Variants in KANSL3 observed in about 807,000 individuals in gnomAD.
The protein encoded by KANSL3 is KAT8 regulatory NSL complex subunit 3.
In KANSL3, 16 loss-of-function variants were observed where a neutral mutation model predicts 89.2. The observed-to-expected ratio is 0.18, with a 90% CI of 0.12 to 0.27. The LOEUF (loss-of-function observed/expected upper bound fraction) is 0.27, where lower values mean the gene tolerates loss of function less well. Among genes scored for constraint, KANSL3 ranks in the 10% least tolerant of loss-of-function variants. The pLI is 1.00. For synonymous variants in KANSL3, 385 were observed against 419.7 expected, an observed-to-expected ratio of 0.92 and a Z score of 1.01; for missense variants, 879 against 1,110.6, an observed-to-expected ratio of 0.79 and a Z score of 2.96.
intron 5 of KANSL3, among the ~76,000 whole-genome samples, chr2:96,618,101 C>G (rs1176721126): frequency 6.6e-6 from 1 of 151,044 alleles, no homozygotes; most frequent in African/African-American, 2.4e-5. Flanking sequence ...GAAGTTATAG[C>G]AAGCAATGAT....
At chr2:96,611,458 A>T (rs190885183) in intron 9 of KANSL3, among the ~76,000 whole-genome samples, 1 of 152,316 alleles carries the variant, frequency 6.6e-6, no homozygotes, top group Admixed American at 6.5e-5. Context: ...TTTTCTCCAC[A>T]AATAGTAAAT....
Position 96,602,311 on chromosome 2 carries a change from T to C in KANSL3, c.2287A>G (p.Met763Val), listed in dbSNP as rs1363789688. 2 of 1,611,056 alleles carry C rather than the reference T, an allele frequency of 1.2e-6. No individual in the cohort carries two copies. Among genetic ancestry groups the C allele is most frequent in the Non-Finnish European group, 1.7e-6 (2 of 1,178,912 alleles). ...GTGGTGATGGCACCCAGGCTCTGCA[T>C]GGGGGTGGGCAACTTCACACTGGTG... is the stretch of plus-strand genomic sequence containing the variant. Reference protein sequence around the residue: ...QATSVKLPTPMQSLGAITTGT... With the variant: ...QATSVKLPTPVQSLGAITTGT... Residue 763 changes from methionine (M) to valine (V), a missense_variant, in exon 19 of 21, where the codon ATG becomes GTG. Physicochemically the swap from Met to Val is conservative, Grantham distance 21 (BLOSUM62 1). Around this residue, in one of 6 missense-constraint regions of KANSL3, gnomAD observed 89 missense variants for 139.7 expected, o/e 0.64. Transcript: ENST00000431828.
At chr2:96,593,101 C>T (rs2066326973), downstream of KANSL3, 2 of 368,900 alleles carry the variant, frequency 5.4e-6, no homozygotes, top group South Asian at 4.1e-5. Context: ...ACCTTTGGTG[C>T]CCACTTCATT....
At chr2:96,600,145 GA>G (rs1329408199) in intron 20 of KANSL3, among the ~76,000 whole-genome samples, 1 of 152,076 alleles carries the variant, frequency 6.6e-6, no homozygotes, top group Non-Finnish European at 1.5e-5. Flanking sequence ...CACAGACAGG[GA>G]AACGTGTCAC....
rs2073187491 is a variant in KANSL3 at position 96,630,503 on chromosome 2, T to C, written c.386+809A>G. Among the ~76,000 whole-genome samples, 2 of 152,208 alleles carry C rather than the reference T, an allele frequency of 1.3e-5. 1 individual carries two copies. The highest frequency in any genetic ancestry group is 4.1e-4 in the South Asian group (2 of 4,836). ...ATAAAGACAAAAGTCAATTAGTGCT[T>C]CCTAGGGACCAGAGAAGCTGGGAGG... On this transcript the variant is annotated intron_variant, in intron 3 of 20. Transcript: ENST00000431828.
chr2:96,601,418 A>G, intron 20 of KANSL3: 1 of 985,402 alleles, frequency 1.0e-6, no homozygotes, highest in Non-Finnish European at 1.2e-6. Context: ...CCACTTGAAC[A>G]TATGTACTCT....
At position 96,612,262 on chromosome 2, in the gene KANSL3, A is replaced by G. The variant is rs1286674552; in HGVS notation, c.1086+20T>C. 2 of 1,576,362 alleles carry G rather than the reference A, an allele frequency of 1.3e-6. No individual in the cohort carries two copies. The highest frequency in any genetic ancestry group is 1.7e-6 in the Non-Finnish European group (2 of 1,145,786). On this transcript the variant is annotated intron_variant, in intron 9 of 20. Coordinates refer to ENST00000431828, the MANE Select transcript of KANSL3 (RefSeq NM_001115016.3). ...TATTCCATCCCAGGACAACCTCCAA[A>G]TAAGATAGAAATTACTTACATGACA...
the KANSL3 span, among the ~76,000 whole-genome samples, chr2:96,583,910 G>A: frequency 6.6e-6 from 1 of 152,300 alleles, no homozygotes; most frequent in Admixed American, 6.5e-5. Context: ...AGCCATTCTA[G>A]TGAGTGTAAA....
At chr2:96,611,249 C>T in intron 9 of KANSL3, 111 bp from the exon 10 acceptor site, 1 of 821,416 alleles carries the variant, frequency 1.2e-6, no homozygotes, top group South Asian at 1.5e-5. Context: ...CTCTTCCTCT[C>T]CTGTCCTAAT....
At chr2:96,616,058 T>C (rs751251888) in intron 5 of KANSL3, among the ~76,000 whole-genome samples, 7 of 152,042 alleles carry the variant, frequency 4.6e-5, no homozygotes, top group Non-Finnish European at 1.0e-4. Context: ...AGCCTTCCCA[T>C]CAGAGACACC....
At chr2:96,636,240 A>G (rs1481405853) in intron 2 of KANSL3, among the ~76,000 whole-genome samples, 5 of 152,254 alleles carry the variant, frequency 3.3e-5, no homozygotes, top group African/African-American at 1.2e-4. Flanking sequence ...GAATATATCA[A>G]CACATCATGA....
At chr2:96,583,390 A>C in the KANSL3 span, among the ~76,000 whole-genome samples, 1 of 152,228 alleles carries the variant, frequency 6.6e-6, no homozygotes, top group African/African-American at 2.4e-5. Flanking sequence ...AAGATATAGA[A>C]CATTTCCCCC....
At chr2:96,587,624 T>C in the KANSL3 span, among the ~76,000 whole-genome samples, 3 of 152,050 alleles carry the variant, frequency 2.0e-5, no homozygotes, top group African/African-American at 7.2e-5. Flanking sequence ...CCAAAACCAC[T>C]CAAAGAATAT....
chr2:96,590,178 T>C (rs542812263), downstream of KANSL3, among the ~76,000 whole-genome samples: 15 of 138,722 alleles, frequency 1.1e-4, no homozygotes, highest in South Asian at 5.8e-3. Flanking sequence ...TAAAAATAAA[T>C]AAATAATAAA....
intron 14 of KANSL3, chr2:96,606,415 G>A: frequency 6.6e-6 from 1 of 152,670 alleles, no homozygotes; most frequent in East Asian, 1.9e-4. Flanking sequence ...TGTAGCACAG[G>A]GAAGCAAAGA....
At chr2:96,632,409 C>G (rs1310658311) in intron 2 of KANSL3, among the ~76,000 whole-genome samples, 1 of 152,142 alleles carries the variant, frequency 6.6e-6, no homozygotes, top group Non-Finnish European at 1.5e-5. Flanking sequence ...CTACAGTCAG[C>G]TCTGATCATG....
At chr2:96,614,785 AAAAAAAAGAAAGAAAG>A (rs2069667733) in intron 5 of KANSL3, among the ~76,000 whole-genome samples, 5 of 151,304 alleles carry the variant, frequency 3.3e-5, no homozygotes, top group Admixed American at 3.3e-4. Flanking sequence ...AAAGAAAAAA[AAAAAAAAGAAAGAAAG>A]AAAAAAAGAA....
chr2:96,600,560 T>A, intron 20 of KANSL3: 1 of 985,310 alleles, frequency 1.0e-6, no homozygotes. Context: ...TCACTGCACC[T>A]CCAGTTCACA....
At chr2:96,615,554 AGG>A in intron 5 of KANSL3, 1 of 1,276,144 alleles carries the variant, frequency 7.8e-7, no homozygotes, top group South Asian at 1.3e-5. Flanking sequence ...CCTAGGGGAA[AGG>A]AAAAATGTTT....
Sources: allele counts gnomAD v4.1 joint callset (sites outside exome capture counted in the v4.1 genomes callset), GRCh38; gene constraint gnomAD v4.1.1; regional missense constraint gnomAD v4.1.1; transcripts MANE v1.5; gene names NCBI Gene and HGNC (gene_info 2026-07-23, HGNC 2026-07-21).